APP: variants seen among roughly 807,000 people sequenced by gnomAD.
APP encodes amyloid-beta precursor protein.
A neutral mutation model predicts 101.4 loss-of-function variants in APP; 31 were observed. The ratio of observed to expected loss-of-function variants is 0.31; its 90% CI spans 0.23 to 0.41. The LOEUF (loss-of-function observed/expected upper bound fraction) is 0.41, where lower values mean the gene tolerates loss of function less well. Among genes scored for constraint, APP ranks in the 10% least tolerant of loss-of-function variants. The probability of loss-of-function intolerance (pLI) is 1.00; values close to 1 mark genes in which losing one functional copy is unlikely to be tolerated. For missense variants in APP, 839 were observed against 1,003.7 expected, an observed-to-expected ratio of 0.84 and a Z score of 2.22; for synonymous variants, 366 against 364.4, an observed-to-expected ratio of 1.00 and a Z score of -0.05.
intron 17 of APP, among the ~76,000 whole-genome samples, chr21:25,889,190 G>A (rs1171071178): frequency 6.6e-6 from 1 of 152,222 alleles, no homozygotes; most frequent in African/African-American, 2.4e-5. Flanking sequence ...TAGGGTCGAA[G>A]AGGTTATTAA....
intron 13 of APP, among the ~76,000 whole-genome samples, chr21:25,918,772 A>G (rs2039488697): frequency 6.6e-6 from 1 of 150,692 alleles, no homozygotes; most frequent in Admixed American, 6.8e-5. Context: ...GCAGTCTGAG[A>G]TCAAACTGCA....
At chr21:26,086,763 A>C (rs2061713740) in intron 3 of APP, among the ~76,000 whole-genome samples, 1 of 152,226 alleles carries the variant, frequency 6.6e-6, no homozygotes, top group Admixed American at 6.5e-5. Context: ...CTCTGTCAAC[A>C]CAACGATAGC....
At chr21:25,884,192 C>G (rs147918323) in intron 17 of APP, among the ~76,000 whole-genome samples, 155 of 152,332 alleles carry the variant, frequency 1.0e-3, no homozygotes, top group African/African-American at 3.6e-3. Context: ...CCGATTCTTA[C>G]GTTTCCATTT....
intron 16 of APP, among the ~76,000 whole-genome samples, chr21:25,895,787 C>A (rs1196256072): frequency 1.3e-5 from 2 of 152,110 alleles, no homozygotes; most frequent in East Asian, 1.9e-4. Context: ...TTATGAAAAG[C>A]AAATCATTAA....
chr21:25,904,285 C>T (rs1387135399), intron 15 of APP, among the ~76,000 whole-genome samples: 1 of 152,140 alleles, frequency 6.6e-6, no homozygotes, highest in African/African-American at 2.4e-5. Context: ...CACATATATG[C>T]TTCTGCTGTG....
At chr21:25,960,207 C>T (rs1168340736) in intron 11 of APP, among the ~76,000 whole-genome samples, 2 of 151,668 alleles carry the variant, frequency 1.3e-5, no homozygotes, top group Non-Finnish European at 2.9e-5. Flanking sequence ...CTTCTTTAAT[C>T]CATAACTAAG....
At chr21:25,953,845 G>C (rs1351165207) in intron 13 of APP, among the ~76,000 whole-genome samples, 1 of 152,178 alleles carries the variant, frequency 6.6e-6, no homozygotes, top group African/African-American at 2.4e-5. Context: ...GGGCACACAA[G>C]GTCAGTTTCC....
At chr21:26,125,061 G>A (rs1408739037) in intron 1 of APP, among the ~76,000 whole-genome samples, 5 of 152,208 alleles carry the variant, frequency 3.3e-5, no homozygotes, top group Non-Finnish European at 7.3e-5. Context: ...TGGAGAAGGA[G>A]AAGGAAGGCA....
At chr21:26,035,317 C>G (rs1008138802) in intron 5 of APP, among the ~76,000 whole-genome samples, 5 of 152,090 alleles carry the variant, frequency 3.3e-5, no homozygotes, top group African/African-American at 4.8e-5. Flanking sequence ...GGCAACAAAA[C>G]TGAGGCTGAA....
At chr21:26,154,128 C>A (rs1358644177) in intron 1 of APP, among the ~76,000 whole-genome samples, 1 of 152,154 alleles carries the variant, frequency 6.6e-6, no homozygotes, top group Non-Finnish European at 1.5e-5. Context: ...CAAAAAGTAT[C>A]ATACTTTAAG....
At chr21:25,931,884 G>A (rs907732209) in intron 13 of APP, among the ~76,000 whole-genome samples, 1 of 152,160 alleles carries the variant, frequency 6.6e-6, no homozygotes, top group Non-Finnish European at 1.5e-5. Context: ...ACAGCCCACA[G>A]GGAAGCATCA....
intron 13 of APP, among the ~76,000 whole-genome samples, chr21:25,948,777 T>C (rs768508861): frequency 6.6e-6 from 1 of 152,020 alleles, no homozygotes; most frequent in Non-Finnish European, 1.5e-5. Flanking sequence ...AATAGAATCC[T>C]TTTAGCAGAG....
chr21:26,040,761 A>AAAACAAACAAAC (rs74534911), intron 5 of APP, among the ~76,000 whole-genome samples: 137 of 150,036 alleles, frequency 9.1e-4, no homozygotes, highest in Middle Eastern at 3.5e-3. Flanking sequence ...ACTCTATCTC[A>AAAACAAACAAAC]AAACAAACAA....
chr21:26,128,112 ATCTGCAAGACG>A (rs2062720373), intron 1 of APP, among the ~76,000 whole-genome samples: 1 of 152,208 alleles, frequency 6.6e-6, no homozygotes, highest in African/African-American at 2.4e-5. Flanking sequence ...TTCCTTGTTT[ATCTGCAAGACG>A]TCTGCCTGCC....
chr21:26,124,199 AT>A (rs1321019616), intron 1 of APP, among the ~76,000 whole-genome samples: 1 of 152,208 alleles, frequency 6.6e-6, no homozygotes, highest in African/African-American at 2.4e-5. Context: ...GTGTGGAACA[AT>A]ACAAAATAAA....
At chr21:26,080,748 C>T (rs2061581349) in intron 3 of APP, among the ~76,000 whole-genome samples, 1 of 145,132 alleles carries the variant, frequency 6.9e-6, no homozygotes. Flanking sequence ...CCAGCCTGGG[C>T]GACGAAGCTA....
chr21:26,031,872 G>A (rs776688003), intron 5 of APP, among the ~76,000 whole-genome samples: 2 of 152,184 alleles, frequency 1.3e-5, no homozygotes, highest in Non-Finnish European at 2.9e-5. Context: ...AGATTCGTAA[G>A]TGGAGCCCCA....
intron 17 of APP, among the ~76,000 whole-genome samples, chr21:25,891,146 G>A (rs2037670519): frequency 6.6e-6 from 1 of 152,124 alleles, no homozygotes; most frequent in Non-Finnish European, 1.5e-5. Flanking sequence ...GAAGTGCAGG[G>A]TAATAGGTTG....
intron 3 of APP, among the ~76,000 whole-genome samples, chr21:26,071,108 G>A (rs2061403883): frequency 6.6e-6 from 1 of 152,174 alleles, no homozygotes; most frequent in Admixed American, 6.5e-5. Flanking sequence ...ATTATAGGCT[G>A]CAGCACATTT....
Sources: allele counts gnomAD v4.1 joint callset (sites outside exome capture counted in the v4.1 genomes callset), GRCh38; gene constraint gnomAD v4.1.1; transcripts MANE v1.5; gene names NCBI Gene and HGNC (gene_info 2026-07-23, HGNC 2026-07-21).